NUP62CL: variants seen among roughly 807,000 people sequenced by gnomAD.
NUP62CL encodes the protein nucleoporin 62 C-terminal like.
In NUP62CL, 13 loss-of-function variants were observed where a neutral mutation model predicts 15.3. The ratio of observed to expected loss-of-function variants is 0.85; its 90% CI spans 0.55 to 1.35. The LOEUF (loss-of-function observed/expected upper bound fraction) is 1.35. Ranked by LOEUF, NUP62CL falls within the 40% of genes most tolerant of loss-of-function variation. The pLI, the probability that NUP62CL is intolerant of heterozygous loss-of-function variation, is 0.00. For missense variants in NUP62CL, 123 were observed against 130.6 expected, an observed-to-expected ratio of 0.94 and a Z score of 0.28; for synonymous variants, 54 against 49.2, an observed-to-expected ratio of 1.10 and a Z score of -0.41.
At chrX:107,197,863 G>T (rs900853019) in intron 1 of NUP62CL, among the ~76,000 whole-genome samples, 1 of 111,946 alleles carries the variant, frequency 8.9e-6, no homozygotes, top group African/African-American at 3.2e-5. Context: ...CTAAAATTCT[G>T]ACGGTTCCAT....
At chrX:107,183,754 C>T (rs910809326) in intron 2 of NUP62CL, among the ~76,000 whole-genome samples, 3 of 111,401 alleles carry the variant, frequency 2.7e-5, no homozygotes, top group African/African-American at 9.8e-5. Context: ...CCAACTATAA[C>T]CAACCACCAC....
At chrX:107,149,315 T>C (rs766502992) in intron 7 of NUP62CL, among the ~76,000 whole-genome samples, 1 of 112,701 alleles carries the variant, frequency 8.9e-6, no homozygotes, top group South Asian at 3.7e-4. Context: ...CAAAACAATT[T>C]TGAATTTTGG....
chrX:107,185,575 G>A (rs1486656392), intron 2 of NUP62CL, among the ~76,000 whole-genome samples: 3 of 110,874 alleles, frequency 2.7e-5, no homozygotes, highest in South Asian at 7.6e-4. Context: ...TAGAGTGACC[G>A]TAAAAGCTAT....
intron 2 of NUP62CL, among the ~76,000 whole-genome samples, chrX:107,189,877 A>AAAAGAAAGAAAGAAAGAAAG (rs55670914): frequency 1.8e-5 from 1 of 56,126 alleles, no homozygotes; most frequent in Non-Finnish European, 3.1e-5. Flanking sequence ...AAAAAGAAAG[A>AAAAGAAAGAAAGAAAGAAAG]AAAGAAAGAA....
chrX:107,148,130 C>A (rs1925922626), intron 7 of NUP62CL, among the ~76,000 whole-genome samples: 1 of 111,240 alleles, frequency 9.0e-6, no homozygotes, highest in Non-Finnish European at 1.9e-5. Flanking sequence ...AAAAATAGCA[C>A]CAGTTGTCAA....
chrX:107,134,475 T>A (rs1925592720), intron 8 of NUP62CL, among the ~76,000 whole-genome samples: 1 of 111,951 alleles, frequency 8.9e-6, no homozygotes, highest in Non-Finnish European at 1.9e-5. Context: ...TTTTTTTAAA[T>A]CAAGTTCTGG....
At chrX:107,148,696 G>T (rs1479766455) in intron 7 of NUP62CL, among the ~76,000 whole-genome samples, 1 of 111,343 alleles carries the variant, frequency 9.0e-6, no homozygotes, top group African/African-American at 3.3e-5. Context: ...TATGGATTTT[G>T]TAAGAAAATG....
chrX:107,174,350 A>T (rs960183608), intron 3 of NUP62CL, among the ~76,000 whole-genome samples: 25 of 108,114 alleles, frequency 2.3e-4, no homozygotes, highest in Non-Finnish European at 3.1e-4. Flanking sequence ...ACAGGGTTTC[A>T]CCACATTGCC....
intron 2 of NUP62CL, among the ~76,000 whole-genome samples, chrX:107,188,423 C>A (rs891298782): frequency 1.9e-4 from 21 of 108,611 alleles, no homozygotes; most frequent in African/African-American, 5.7e-4. Flanking sequence ...GGTAAAAACT[C>A]CCCCCCACCA....
intron 3 of NUP62CL, among the ~76,000 whole-genome samples, chrX:107,168,878 A>G (rs1486571321): frequency 8.9e-6 from 1 of 112,133 alleles, no homozygotes; most frequent in Non-Finnish European, 1.9e-5. Flanking sequence ...ACTCTGAGGG[A>G]GGCTGGCCTG....
At chrX:107,157,271 C>T in intron 4 of NUP62CL, among the ~76,000 whole-genome samples, 1 of 105,488 alleles carries the variant, frequency 9.5e-6, no homozygotes, top group Non-Finnish European at 1.9e-5. Context: ...TCAGGAAATA[C>T]AGAGAACGCC....
At chrX:107,126,215 T>G (rs1925382865) in intron 8 of NUP62CL, among the ~76,000 whole-genome samples, 1 of 112,034 alleles carries the variant, frequency 8.9e-6, no homozygotes, top group Non-Finnish European at 1.9e-5. Context: ...CAAAAAAACA[T>G]TGCTAAGAAA....
intron 4 of NUP62CL, among the ~76,000 whole-genome samples, chrX:107,162,032 A>G (rs1319523261): frequency 1.8e-5 from 2 of 110,228 alleles, no homozygotes; most frequent in Non-Finnish European, 3.8e-5. Context: ...CAGCAAAGAA[A>G]TAGAAAGTAT....
At chrX:107,184,304 A>AG (rs1472816130) in intron 2 of NUP62CL, among the ~76,000 whole-genome samples, 1,605 of 11,948 alleles carry the variant, frequency 0.13, 52 homozygotes, top group African/African-American at 0.4. Context: ...GAGAAGAAAG[A>AG]AAGAAAGAAA....
intron 4 of NUP62CL, among the ~76,000 whole-genome samples, chrX:107,156,290 G>GGCCT (rs1453152147): frequency 9.2e-6 from 1 of 108,109 alleles, no homozygotes; most frequent in Non-Finnish European, 1.9e-5. Context: ...AGCTCAAGGA[G>GGCCT]GCCTGCCTGC....
intron 7 of NUP62CL, among the ~76,000 whole-genome samples, chrX:107,149,099 A>G (rs1347581354): frequency 9.0e-6 from 1 of 111,580 alleles, no homozygotes; most frequent in Non-Finnish European, 1.9e-5. Context: ...AAAAGACTCA[A>G]ACCATTTACT....
chrX:107,192,804 G>A (rs1276072381), intron 2 of NUP62CL, among the ~76,000 whole-genome samples: 1 of 112,190 alleles, frequency 8.9e-6, no homozygotes, highest in African/African-American at 3.2e-5. Context: ...GGAAAATTCA[G>A]TTGCTACTGG....
chrX:107,144,910 T>A (rs1009693398), intron 8 of NUP62CL, among the ~76,000 whole-genome samples: 1 of 111,621 alleles, frequency 9.0e-6, no homozygotes. Context: ...TTGCTTCTTT[T>A]AATCCTTACA....
At chrX:107,196,598 C>A (rs911730906) in intron 1 of NUP62CL, among the ~76,000 whole-genome samples, 5 of 111,655 alleles carry the variant, frequency 4.5e-5, no homozygotes, top group Non-Finnish European at 9.4e-5. Context: ...TGTGCCACCA[C>A]GCTTGGCTAA....
Sources: allele counts gnomAD v4.1 joint callset (sites outside exome capture counted in the v4.1 genomes callset), GRCh38; gene constraint gnomAD v4.1.1; transcripts MANE v1.5; gene names NCBI Gene and HGNC (gene_info 2026-07-23, HGNC 2026-07-21).